PIK3C2B: variants seen among roughly 807,000 people sequenced by gnomAD.
PIK3C2B encodes the protein phosphatidylinositol-4-phosphate 3-kinase catalytic subunit type 2 beta.
PIK3C2B carries 83 observed loss-of-function variants against 184.3 expected under a neutral mutation model. That is an observed-to-expected ratio of 0.45 (90% confidence interval 0.38 to 0.54). PIK3C2B has a LOEUF of 0.54. Ranked by LOEUF, PIK3C2B falls within the 20% of genes least tolerant of loss-of-function variation. The probability of loss-of-function intolerance (pLI) is 0.00; values close to 1 mark genes in which losing one functional copy is unlikely to be tolerated. For missense variants in PIK3C2B, 1,736 were observed against 2,113.5 expected, an observed-to-expected ratio of 0.82 and a Z score of 3.50; for synonymous variants, 779 against 837.6, an observed-to-expected ratio of 0.93 and a Z score of 1.21.
Position 204,469,336 on chromosome 1 carries a change from G to A in PIK3C2B, c.467C>T (p.Pro156Leu). The change falls in exon 2 of 33, where the codon CCA becomes CTA. Residue 156 changes from proline (P) to leucine (L), a missense_variant. By Grantham distance (98) the Pro-to-Leu change is moderately conservative (BLOSUM62 -3). Around this residue, in one of 8 missense-constraint regions of PIK3C2B, gnomAD observed 404 missense variants for 418.0 expected, o/e 0.97. Coordinates refer to ENST00000684373, the MANE Select transcript of PIK3C2B (RefSeq NM_001377334.1). ...DIEGSCKKLS[P>L]PPLPPRASIW... ...AGAAGCTCGGGGAGGCAGAGGAGGT[G>A]GGGATAGTTTCTTGCAAGAGCCCTC... 2 of 1,529,696 alleles carry A rather than the reference G, an allele frequency of 1.3e-6. No homozygotes were observed. Among genetic ancestry groups the A allele is most frequent in the Non-Finnish European group, 1.8e-6 (2 of 1,141,020 alleles). The allele number at this position is 1,529,696 out of a possible 1,614,324, so 94.8% of individuals were successfully genotyped here.
intron 5 of PIK3C2B, among the ~76,000 whole-genome samples, chr1:204,461,092 G>T (rs376541232): frequency 1.3e-5 from 2 of 152,148 alleles, no homozygotes; most frequent in South Asian, 4.1e-4. Context: ...CAGGGTGGGA[G>T]CTCAGCGAGA....
At chr1:204,462,125 C>A (rs1433503506) in intron 5 of PIK3C2B, among the ~76,000 whole-genome samples, 1 of 152,152 alleles carries the variant, frequency 6.6e-6, no homozygotes, top group Non-Finnish European at 1.5e-5. Flanking sequence ...TGTGGAAGGC[C>A]TTCCTCTCTG....
chr1:204,444,520 G>A (rs1653681398), intron 16 of PIK3C2B, 96 bp from the exon 17 acceptor site: 3 of 809,996 alleles, frequency 3.7e-6, no homozygotes, highest in Non-Finnish European at 6.1e-6. Context: ...GAGGCATGGA[G>A]AAAGAAAATG....
chr1:204,442,401 G>T lies in PIK3C2B; in HGVS notation c.3156+125C>A, dbSNP rs761889197. 239 of 641,728 alleles carry T rather than the reference G, an allele frequency of 3.7e-4. 6 individuals carry two copies. The highest frequency in any genetic ancestry group is 3.6e-4 in the Non-Finnish European group (127 of 354,018). The allele number at this position is 641,728 out of a possible 1,614,324, so 39.8% of individuals were successfully genotyped here. The stretch of plus-strand genomic sequence containing the variant: ...AAAAGATGCTAGGCCAAGACCACAT[G>T]GTAAGTTAGCAACATACTGACGCCC... On this transcript the variant is annotated intron_variant, in intron 20 of 32. Coordinates refer to ENST00000684373, the MANE Select transcript of PIK3C2B (RefSeq NM_001377334.1).
Position 204,432,270 on chromosome 1 carries a change from T to C in PIK3C2B, c.4085A>G (p.Lys1362Arg). The C allele has an allele frequency of 3.7e-6, 6 of 1,614,070 alleles. No individual in the cohort carries two copies. Among genetic ancestry groups the C allele is most frequent in the Non-Finnish European group, 4.2e-6 (5 of 1,179,964 alleles). The stretch of plus-strand genomic sequence containing the variant: ...AACATCACTGATTCGGCCAGAGCTC[T>C]TGAGAGTGTGTGTTCGGGAGGCAAA... ...LSFASRTHTLKSSGRISDVFL... is the reference protein window; with the variant it reads ...LSFASRTHTLRSSGRISDVFL... The change falls in exon 27 of 33, where the codon AAG becomes AGG. Residue 1362 changes from lysine (K) to arginine (R), a missense_variant. Physicochemically the swap from Lys to Arg is conservative, Grantham distance 26. This residue lies in a region of PIK3C2B where 200 missense variants were observed against 199.1 expected (regional missense o/e 1.00). Transcript: ENST00000684373.
In PIK3C2B at chr1:204,434,617, G is replaced by A. The variant is rs771866224; in HGVS notation, c.3517-9C>T. On this transcript the variant is annotated splice_polypyrimidine_tract_variant and intron_variant, in intron 23 of 32. Coordinates refer to ENST00000684373, the MANE Select transcript of PIK3C2B (RefSeq NM_001377334.1). Reference sequence around the variant, plus strand: ...ATAAAGTTCTCCACAGCCTGGGAGGGGTCAAGGCAGATGGGAGGAGAGGAC... The same window carrying A: ...ATAAAGTTCTCCACAGCCTGGGAGGAGTCAAGGCAGATGGGAGGAGAGGAC... 2 of 1,605,600 alleles carry A rather than the reference G, an allele frequency of 1.2e-6. No homozygotes were observed. Among genetic ancestry groups the A allele is most frequent in the East Asian group, 4.5e-5 (2 of 44,646 alleles).
At chr1:204,439,145 G>T in intron 22 of PIK3C2B, 74 bp from the exon 23 acceptor site, 8 of 1,465,972 alleles carry the variant, frequency 5.5e-6, no homozygotes, top group South Asian at 4.8e-5. Context: ...TACAAGGACT[G>T]TGCTCATGCT....
chr1:204,465,416 A>G, intron 2 of PIK3C2B, 97 bp from the exon 3 acceptor site: 2 of 740,784 alleles, frequency 2.7e-6, no homozygotes, highest in South Asian at 3.1e-5. Flanking sequence ...AGATGAAAAG[A>G]CTTTCTAGTC....
chr1:204,424,483 T>C lies in PIK3C2B; in HGVS notation c.*369A>G, dbSNP rs1674641352. On this transcript the variant is annotated 3_prime_UTR_variant, in exon 33 of 33. Transcript: ENST00000684373. ...CAGTTAGGACAACATCACTATTTCA[T>C]TTTTTAAAAATAAAAATTAAGATAT... 1 of 373,240 alleles carries C rather than the reference T, an allele frequency of 2.7e-6. No individual in the cohort carries two copies. Among genetic ancestry groups the C allele is most frequent in the South Asian group, 2.1e-5 (1 of 47,534 alleles). 23.1% of individuals were successfully genotyped at this position (373,240 alleles called of 1,614,324 possible).
chr1:204,475,212 T>C (rs1376936504), intron 1 of PIK3C2B, among the ~76,000 whole-genome samples: 5 of 152,198 alleles, frequency 3.3e-5, no homozygotes, highest in Non-Finnish European at 7.3e-5. Context: ...CTGATTTCTC[T>C]ATAAGACTCT....
chr1:204,437,571 G>A (rs1675420019), intron 23 of PIK3C2B, among the ~76,000 whole-genome samples: 1 of 152,198 alleles, frequency 6.6e-6, no homozygotes, highest in Non-Finnish European at 1.5e-5. Flanking sequence ...AGGCATTCCA[G>A]TGGTTCAGGG....
intron 15 of PIK3C2B, among the ~76,000 whole-genome samples, chr1:204,446,382 G>C (rs1653866211): frequency 6.6e-6 from 1 of 152,254 alleles, no homozygotes; most frequent in Non-Finnish European, 1.5e-5. Context: ...CCAGGCATCA[G>C]TCTATGCCAC....
At chr1:204,471,855 A>C (rs570256163) in intron 1 of PIK3C2B, among the ~76,000 whole-genome samples, 90 of 152,370 alleles carry the variant, frequency 5.9e-4, no homozygotes, top group South Asian at 3.1e-3. Context: ...GTAATTACTC[A>C]GCTTGCACTA....
chr1:204,482,167 C>T (rs1376504091), intron 1 of PIK3C2B, among the ~76,000 whole-genome samples: 2 of 151,192 alleles, frequency 1.3e-5, no homozygotes, highest in Non-Finnish European at 2.9e-5. Flanking sequence ...TGGCCTCCCC[C>T]TGGTCTCTGC....
chr1:204,441,330 T>C (rs1304667144), intron 21 of PIK3C2B, 141 bp downstream of exon 21: 2 of 577,970 alleles, frequency 3.5e-6, no homozygotes, highest in African/African-American at 3.7e-5. Context: ...TCTAAATCCT[T>C]TTTCACCTGA....
In PIK3C2B at chr1:204,460,600, G is replaced by C. The variant is rs144467079; in HGVS notation, c.1372C>G (p.Arg458Gly). The part of the protein sequence containing the change: ...QYCRKFDIDI[R>G]LQLMEQKVVR... ...ACCTTCTGCTCCATCAGCTGTAGCC[G>C]AATGTCAATGTCAAACTTGCGGCAG... The change falls in exon 6 of 33, where the codon CGG (arginine) becomes GGG (glycine). Residue 458 changes from arginine (R) to glycine (G), a missense_variant. By Grantham distance (125) the Arg-to-Gly change is moderately radical (BLOSUM62 -2). This residue lies in a region of PIK3C2B where 609 missense variants were observed against 699.2 expected (regional missense o/e 0.87). Coordinates refer to ENST00000684373, the MANE Select transcript of PIK3C2B (RefSeq NM_001377334.1). The C allele has an allele frequency of 6.2e-7, 1 of 1,613,996 alleles. No individual in the cohort carries two copies.
intron 8 of PIK3C2B, among the ~76,000 whole-genome samples, chr1:204,459,072 T>C (rs551799759): frequency 1.0e-5 from 1 of 99,796 alleles, no homozygotes; most frequent in East Asian, 2.9e-4. Context: ...TGGAGTGCAA[T>C]GGTGTGATCA....
rs762611948 is a variant in PIK3C2B at position 204,433,889 on chromosome 1, C to T, written c.3747G>A (p.Lys1249=). The change falls in exon 25 of 33, where the codon AAG becomes AAA. Residue 1249 remains lysine, a synonymous_variant. Coordinates refer to ENST00000684373, the MANE Select transcript of PIK3C2B (RefSeq NM_001377334.1). This position sits in a 1 kb window ranked among gnomAD's most constrained non-coding sequence, Gnocchi z 5.0. The part of the protein sequence containing the change: ...DMAYVINGGD[K]PSSRFHDFVD... ...CAAAATCATGGAAGCGGCTGGAAGGCTTGTCACCCCCGTTGATGACATACG... is the reference window on the plus strand; with the variant it reads ...CAAAATCATGGAAGCGGCTGGAAGGTTTGTCACCCCCGTTGATGACATACG... The T allele has an allele frequency of 6.2e-6, 10 of 1,614,062 alleles. No homozygotes were observed. In the East Asian group the frequency reaches 6.7e-5, roughly 11 times the overall value.
chr1:204,468,661 C>T (rs1326212725), intron 2 of PIK3C2B, among the ~76,000 whole-genome samples: 1 of 152,196 alleles, frequency 6.6e-6, no homozygotes, highest in African/African-American at 2.4e-5. Flanking sequence ...TGAAACCTGG[C>T]CCTGAGAAGG....
Sources: allele counts gnomAD v4.1 joint callset (sites outside exome capture counted in the v4.1 genomes callset), GRCh38; gene constraint gnomAD v4.1.1; regional missense constraint gnomAD v4.1.1; non-coding constraint Gnocchi (gnomAD v3.1); transcripts MANE v1.5; gene names NCBI Gene and HGNC (gene_info 2026-07-23, HGNC 2026-07-21).